MEST: variants seen among roughly 807,000 people sequenced by gnomAD.
MEST encodes the protein mesoderm-specific transcript homolog protein.
In MEST, 18 loss-of-function variants were observed where a neutral mutation model predicts 50.9. The observed-to-expected ratio is 0.35, with a 90% CI of 0.24 to 0.52. The LOEUF (loss-of-function observed/expected upper bound fraction) is 0.52, where lower values mean the gene tolerates loss of function less well. Ranked by LOEUF, MEST falls within the 20% of genes least tolerant of loss-of-function variation. The pLI, the probability that MEST is intolerant of heterozygous loss-of-function variation, is 0.94. For missense variants in MEST, 282 were observed against 425.3 expected (o/e 0.66, Z 2.96); for synonymous variants, 130 against 154.1 (o/e 0.84, Z 1.16).
At position 130,500,228 on chromosome 7, in the gene MEST, G is replaced by C. The variant is rs1799224607; in HGVS notation, c.577-234G>C. ...TCCTACTCTAAACTTGAATATATCA[G>C]AGTTAAAGTTTTAGGGATTTAGTGA... is the stretch of plus-strand genomic sequence containing the variant. On this transcript the variant is annotated intron_variant, in intron 7 of 11. Transcript: ENST00000223215. This position sits in a 1 kb window ranked among gnomAD's most constrained non-coding sequence, Gnocchi z 5.0. Among the ~76,000 whole-genome samples, 1 of 152,102 alleles carries C rather than the reference G, an allele frequency of 6.6e-6. No individual in the cohort carries two copies. Among genetic ancestry groups the C allele is most frequent in the Non-Finnish European group, 1.5e-5 (1 of 68,006 alleles).
At position 130,500,226 on chromosome 7, in the gene MEST, CAGAGTT is replaced by C. The variant is rs1197069931; in HGVS notation, c.577-234_577-229del. On this transcript the variant is annotated intron_variant, in intron 7 of 11. Transcript: ENST00000223215. This position sits in a 1 kb window ranked among gnomAD's most constrained non-coding sequence, Gnocchi z 5.0. ...GATCCTACTCTAAACTTGAATATAT[CAGAGTT>C]AAAGTTTTAGGGATTTAGTGAATTG... is the stretch of plus-strand genomic sequence containing the variant. Among the ~76,000 whole-genome samples, 9 of 152,132 alleles carry C rather than the reference CAGAGTT, an allele frequency of 5.9e-5. No individual in the cohort carries two copies. Among genetic ancestry groups the C allele is most frequent in the Non-Finnish European group, 1.2e-4 (8 of 68,020 alleles).
chr7:130,486,833 G>T, intron 1 of MEST: 1 of 152,470 alleles, frequency 6.6e-6, no homozygotes, highest in Non-Finnish European at 1.5e-5. Context: ...CTTGGAGGTT[G>T]GAAAGGTCGC....
Position 130,497,064 on chromosome 7 carries a change from T to G in MEST, c.182-92T>G. On this transcript the variant is annotated intron_variant, in intron 2 of 11. Coordinates refer to ENST00000223215, the MANE Select transcript of MEST (RefSeq NM_002402.4). This position sits in a 1 kb window ranked among gnomAD's most constrained non-coding sequence, Gnocchi z 4.0. ...TAATGTCAATTTGGTCACAGTTGCT[T>G]GTTCTTTGTATCAGATTACTTAGAT... 9.7e-7 allele frequency: 1 copy of G among 1,035,046 alleles called. No homozygotes were observed. Among genetic ancestry groups the G allele is most frequent in the Non-Finnish European group, 1.4e-6 (1 of 706,712 alleles). 64.1% of individuals were successfully genotyped at this position (1,035,046 alleles called of 1,614,324 possible).
In MEST at chr7:130,505,080, A is replaced by G. The variant is rs1799429791; in HGVS notation, c.*24A>G. On this transcript the variant is annotated 3_prime_UTR_variant, in exon 12 of 12. Coordinates refer to ENST00000223215, the MANE Select transcript of MEST (RefSeq NM_002402.4). ...GAGCTGGAAAGAGTAGCTTCCCTGT[A>G]TTACCTCCCCTACTCCCTTATGTGT... is the stretch of plus-strand genomic sequence containing the variant. 1 of 1,505,912 alleles carries G rather than the reference A, an allele frequency of 6.6e-7. No homozygotes were observed. The highest frequency in any genetic ancestry group is 9.2e-7 in the Non-Finnish European group (1 of 1,082,972). 93.3% of individuals were successfully genotyped at this position (1,505,912 alleles called of 1,614,324 possible). A position where few individuals can be genotyped will look rare whatever the true frequency, so the allele number is the denominator to read the frequency against.
At position 130,497,302 on chromosome 7, in the gene MEST, A is replaced by G. The variant is rs1563023161; in HGVS notation, c.261+67A>G. On this transcript the variant is annotated intron_variant, in intron 3 of 11. Transcript: ENST00000223215. The surrounding 1 kb of genome is among the most constrained non-coding windows in gnomAD (Gnocchi z 4.0). Reference sequence around the variant, plus strand: ...ATCTCGGCCGGGCGCGGGGGCTCAAATCCTAGCACTTTGGGAGGCTGAGGT... The same window carrying G: ...ATCTCGGCCGGGCGCGGGGGCTCAAGTCCTAGCACTTTGGGAGGCTGAGGT... 2.2e-6 allele frequency: 3 copies of G among 1,348,288 alleles called. No individual in the cohort carries two copies. Among genetic ancestry groups the G allele is most frequent in the Non-Finnish European group, 3.1e-6 (3 of 962,176 alleles). 83.5% of individuals were successfully genotyped at this position (1,348,288 alleles called of 1,614,324 possible). A position where few individuals can be genotyped will look rare whatever the true frequency, so the allele number is the denominator to read the frequency against.
At chr7:130,501,581 T>C (rs1584950015) in intron 9 of MEST, among the ~76,000 whole-genome samples, 1 of 152,218 alleles carries the variant, frequency 6.6e-6, no homozygotes, top group South Asian at 2.1e-4. Flanking sequence ...CCAGGCAGAA[T>C]GAGTAGAATA....
chr7:130,504,573 C>T (rs192643517), intron 11 of MEST, among the ~76,000 whole-genome samples: 1 of 152,316 alleles, frequency 6.6e-6, no homozygotes, highest in Non-Finnish European at 1.5e-5. Context: ...CTCATCTCCT[C>T]CTGGGATTAA....
At position 130,505,923 on chromosome 7, in the gene MEST, T is replaced by C. The variant is rs1365703523; in HGVS notation, c.*867T>C. The C allele has an allele frequency of 3.3e-5, 5 of 152,504 alleles. No homozygotes were observed. The highest frequency in any genetic ancestry group is 7.2e-5 in the African/African-American group (3 of 41,580). 9.4% of individuals were successfully genotyped at this position (152,504 alleles called of 1,614,324 possible). A position where few individuals can be genotyped will look rare whatever the true frequency, so the allele number is the denominator to read the frequency against. On this transcript the variant is annotated 3_prime_UTR_variant, in exon 12 of 12. Coordinates refer to ENST00000223215, the MANE Select transcript of MEST (RefSeq NM_002402.4). ...TCAGTGGTTAGAAGCATGTCTCTCT[T>C]GAGCTACAGTAGAGGGGAAGGGATT...
At chr7:130,504,859 C>G (rs982862649) in intron 11 of MEST, 80 bp from the exon 12 acceptor site, 8 of 1,016,456 alleles carry the variant, frequency 7.9e-6, no homozygotes, top group Non-Finnish European at 1.2e-5. Flanking sequence ...TCCACAGGGT[C>G]ATTTACTGGG....
Position 130,504,938 on chromosome 7 carries a change from G to A in MEST, c.891-1G>A. ...ACCTGCGTGCTGTTCTCTTCCACTA[G>A]GAAAACGCTGCCGCGGTCCACAGTG... On this transcript the variant is annotated splice_acceptor_variant, in intron 11 of 11. Coordinates refer to ENST00000223215, the MANE Select transcript of MEST (RefSeq NM_002402.4). LOFTEE classifies it high-confidence loss of function. 1 of 1,613,468 alleles carries A rather than the reference G, an allele frequency of 6.2e-7. No individual in the cohort carries two copies. Among genetic ancestry groups the A allele is most frequent in the Non-Finnish European group, 8.5e-7 (1 of 1,179,482 alleles).
At chr7:130,488,233 C>T (rs1554434257), upstream of MEST, 2 of 152,200 alleles carry the variant, frequency 1.3e-5, no homozygotes, top group African/African-American at 4.8e-5. Flanking sequence ...TACCCAGCCC[C>T]CAGTGGACAG....
chr7:130,505,488 C>T lies in MEST; in HGVS notation c.*432C>T, dbSNP rs190221868. 410 of 156,340 alleles carry T rather than the reference C, an allele frequency of 2.6e-3. 8 individuals are homozygous for T. Among genetic ancestry groups the T allele is most frequent in the Non-Finnish European group, 3.3e-4 (23 of 70,292 alleles). 9.7% of individuals were successfully genotyped at this position (156,340 alleles called of 1,614,324 possible). ...AGAAGGGGGGCTCCTTCCCTCTCCT[C>T]GAATGACGTTATGGGCACATGCCTT... On this transcript the variant is annotated 3_prime_UTR_variant, in exon 12 of 12. Coordinates refer to ENST00000223215, the MANE Select transcript of MEST (RefSeq NM_002402.4).
At chr7:130,491,282 C>G (rs1295206951), upstream of MEST, 2 of 152,304 alleles carry the variant, frequency 1.3e-5, no homozygotes, top group African/African-American at 4.8e-5. This position sits in a 1 kb window ranked among gnomAD's most constrained non-coding sequence, Gnocchi z 6.8. Context: ...ATTGTGCCCA[C>G]TGTTCTGTGC....
intron 1 of MEST, among the ~76,000 whole-genome samples, chr7:130,493,582 G>T (rs1021653150): frequency 6.6e-6 from 1 of 152,134 alleles, no homozygotes; most frequent in African/African-American, 2.4e-5. Context: ...GGTGTGGAGG[G>T]GGGTGTCCAG....
In MEST at chr7:130,497,757, T is replaced by G. The variant is rs1174766990; in HGVS notation, c.262-179T>G. The G allele has an allele frequency of 3.2e-6, 2 of 629,018 alleles. No individual in the cohort carries two copies. The highest frequency in any genetic ancestry group is 5.7e-6 in the Non-Finnish European group (2 of 351,874). 39.0% of individuals were successfully genotyped at this position (629,018 alleles called of 1,614,324 possible). Reference sequence around the variant, plus strand: ...TTACCCTCCCTCAACAGGGATTAATTACCAGGAATAAAGCATTTTCCAAGA... The same window carrying G: ...TTACCCTCCCTCAACAGGGATTAATGACCAGGAATAAAGCATTTTCCAAGA... On this transcript the variant is annotated intron_variant, in intron 3 of 11. Transcript: ENST00000223215. The surrounding 1 kb of genome is among the most constrained non-coding windows in gnomAD (Gnocchi z 4.0).
In MEST at chr7:130,497,544, G is replaced by T; in HGVS notation, c.261+309G>T. 1 of 259,072 alleles carries T rather than the reference G, an allele frequency of 3.9e-6. No individual in the cohort carries two copies. The highest frequency in any genetic ancestry group is 7.3e-6 in the Non-Finnish European group (1 of 136,788). 16.0% of individuals were successfully genotyped at this position (259,072 alleles called of 1,614,324 possible). ...TGCACTTCAGCCTAGGTGACAGAGC[G>T]AGAGTCTGTCTCAAAAAAAAATTTT... On this transcript the variant is annotated intron_variant, in intron 3 of 11. Transcript: ENST00000223215. This position sits in a 1 kb window ranked among gnomAD's most constrained non-coding sequence, Gnocchi z 4.0.
At chr7:130,494,320 G>A (rs1210804406) in intron 1 of MEST, among the ~76,000 whole-genome samples, 1 of 152,006 alleles carries the variant, frequency 6.6e-6, no homozygotes. Flanking sequence ...AGTTTTGGAG[G>A]GTATTATTTC....
rs782182250 is a variant in MEST at position 130,504,981 on chromosome 7, C to T, written c.933C>T (p.His311=). The change falls in exon 12 of 12, where the codon CAC becomes CAT. Residue 311 remains histidine, a synonymous_variant. Coordinates refer to ENST00000223215, the MANE Select transcript of MEST (RefSeq NM_002402.4). ...PRSTVSILDD[H]ISHYPQLEDP... ...CCACAGTGTCGATTCTGGATGACCACATTAGCCACTATCCACAGCTAGAGG... is the reference window on the plus strand; with the variant it reads ...CCACAGTGTCGATTCTGGATGACCATATTAGCCACTATCCACAGCTAGAGG... 1 of 1,613,904 alleles carries T rather than the reference C, an allele frequency of 6.2e-7. No individual in the cohort carries two copies. The highest frequency in any genetic ancestry group is 1.1e-5 in the South Asian group (1 of 91,076).
At chr7:130,502,174 T>C (rs1471167044) in intron 9 of MEST, among the ~76,000 whole-genome samples, 2 of 151,956 alleles carry the variant, frequency 1.3e-5, no homozygotes, top group Non-Finnish European at 2.9e-5. Flanking sequence ...TGAGCTATGA[T>C]TGCACCTGTG....
Sources: gnomAD v4.1 joint callset for allele counts (sites outside exome capture counted in the v4.1 genomes callset) on GRCh38, gnomAD v4.1.1 for gene constraint, Gnocchi (gnomAD v3.1) non-coding constraint, MANE v1.5 for transcripts, NCBI Gene and HGNC (gene_info 2026-07-23, HGNC 2026-07-21) for gene names.